The following PPM1D variants were observed in gnomAD, a reference collection of about 807,000 sequenced individuals.
PPM1D encodes the protein protein phosphatase 1D.
A neutral mutation model predicts 58.3 loss-of-function variants in PPM1D; 52 were observed. That is an observed-to-expected ratio of 0.89 (90% CI 0.71 to 1.12). PPM1D has a LOEUF of 1.12. Among genes scored for constraint, PPM1D ranks in the 50% most tolerant of loss-of-function variants. The probability of loss-of-function intolerance (pLI) is 0.00; values close to 1 mark genes in which losing one functional copy is unlikely to be tolerated. For missense variants in PPM1D, 564 were observed against 777.2 expected, an observed-to-expected ratio of 0.73 and a Z score of 3.26; for synonymous variants, 278 against 285.1, an observed-to-expected ratio of 0.98 and a Z score of 0.25.
At chr17:60,657,308 C>T (rs1016456677) in intron 5 of PPM1D, among the ~76,000 whole-genome samples, 1 of 152,106 alleles carries the variant, frequency 6.6e-6, no homozygotes, top group African/African-American at 2.4e-5. Flanking sequence ...GTATAAGAAA[C>T]TTTATTCCTA....
chr17:60,646,825 G>A (rs2031258382), intron 3 of PPM1D, among the ~76,000 whole-genome samples: 1 of 152,190 alleles, frequency 6.6e-6, no homozygotes, highest in Non-Finnish European at 1.5e-5. Context: ...AAATGTAAGA[G>A]CTTTCTTTTT....
At chr17:60,642,692 C>T (rs1374002650) in intron 3 of PPM1D, among the ~76,000 whole-genome samples, 1 of 152,064 alleles carries the variant, frequency 6.6e-6, no homozygotes. Context: ...CTCTTGACCT[C>T]GTGATCCACC....
At chr17:60,607,941 A>G (rs2030365075) in intron 1 of PPM1D, among the ~76,000 whole-genome samples, 1 of 152,262 alleles carries the variant, frequency 6.6e-6, no homozygotes, top group Non-Finnish European at 1.5e-5. Context: ...TTGGTTCTAG[A>G]TTTGGCATTA....
rs1400537045 is a variant in PPM1D at position 60,663,759 on chromosome 17, A to C, written c.*207A>C. The C allele has an allele frequency of 9.3e-6, 5 of 537,488 alleles. No individual in the cohort carries two copies. The African/African-American group carries it at 9.4e-5, about 10-fold the overall frequency. 33.3% of individuals were successfully genotyped at this position (537,488 alleles called of 1,614,324 possible). ...AGATGTTAGGGTATAAGTTGCTGTAAAATTTGTGTAAATTTGTATCCACAC... is the reference window on the plus strand; with the variant it reads ...AGATGTTAGGGTATAAGTTGCTGTACAATTTGTGTAAATTTGTATCCACAC... On this transcript the variant is annotated 3_prime_UTR_variant, in exon 6 of 6. Coordinates refer to ENST00000305921, the MANE Select transcript of PPM1D (RefSeq NM_003620.4).
chr17:60,613,899 C>T (rs1367892616), intron 1 of PPM1D, among the ~76,000 whole-genome samples: 1 of 141,580 alleles, frequency 7.1e-6, no homozygotes, highest in Non-Finnish European at 1.6e-5. Flanking sequence ...GGCCCCCCCC[C>T]CGCCACCCCC....
chr17:60,605,638 C>G (rs1462601650), intron 1 of PPM1D, among the ~76,000 whole-genome samples: 1 of 152,222 alleles, frequency 6.6e-6, no homozygotes, highest in Admixed American at 6.5e-5. Context: ...CGTGGTGGCT[C>G]ACGCCTGTAA....
rs571094619 is a variant in PPM1D at position 60,642,779 on chromosome 17, A to T, written c.827-5113A>T. Reference sequence around the variant, plus strand: ...GCCAGGAAACTCTTCTTTAAAAAAGATTTTCAGCCGGGCACGGTGGCTTAT... The same window carrying T: ...GCCAGGAAACTCTTCTTTAAAAAAGTTTTTCAGCCGGGCACGGTGGCTTAT... On this transcript the variant is annotated intron_variant, in intron 3 of 5. Coordinates refer to ENST00000305921, the MANE Select transcript of PPM1D (RefSeq NM_003620.4). 5.9e-5 allele frequency among the ~76,000 whole-genome samples: 9 copies of T among 152,140 alleles called. No homozygotes were observed. The South Asian group carries it at 1.9e-3, about 32-fold the overall frequency.
intron 3 of PPM1D, among the ~76,000 whole-genome samples, chr17:60,634,309 G>T (rs963447721): frequency 2.0e-5 from 3 of 152,102 alleles, no homozygotes; most frequent in Admixed American, 6.6e-5. Flanking sequence ...CTACTCAAGA[G>T]GCTGAGTCAG....
At chr17:60,645,646 GTATATATA>G (rs544614194) in intron 3 of PPM1D, among the ~76,000 whole-genome samples, 1 of 126,574 alleles carries the variant, frequency 7.9e-6, no homozygotes, top group African/African-American at 3.5e-5. Flanking sequence ...GTGTGTGTGT[GTATATATA>G]TATATACACA....
intron 3 of PPM1D, among the ~76,000 whole-genome samples, chr17:60,642,766 T>G (rs2031161135): frequency 6.6e-6 from 1 of 152,052 alleles, no homozygotes; most frequent in South Asian, 2.1e-4. Context: ...CAGGAAACTC[T>G]TCTTTAAAAA....
At chr17:60,649,766 G>A (rs1406819223) in intron 4 of PPM1D, among the ~76,000 whole-genome samples, 2 of 152,022 alleles carry the variant, frequency 1.3e-5, no homozygotes, top group African/African-American at 4.8e-5. Flanking sequence ...AAGGTAAATA[G>A]AATATGGTCC....
rs75357328 is a variant in PPM1D at position 60,612,091 on chromosome 17, G to A, written c.472+11205G>A. On this transcript the variant is annotated intron_variant, in intron 1 of 5. Coordinates refer to ENST00000305921, the MANE Select transcript of PPM1D (RefSeq NM_003620.4). The stretch of plus-strand genomic sequence containing the variant: ...AGGTATAATTGACATACAATAAATG[G>A]TACACATTTAAAGTATACTCTGATA... 8.0e-3 allele frequency among the ~76,000 whole-genome samples: 1,216 copies of A among 151,834 alleles called. 16 individuals carry two copies. Among genetic ancestry groups the A allele is most frequent in the African/African-American group, 0.027 (1,124 of 41,404 alleles).
chr17:60,623,022 A>G (rs1043651008), intron 1 of PPM1D, among the ~76,000 whole-genome samples: 4 of 152,204 alleles, frequency 2.6e-5, no homozygotes, highest in Admixed American at 6.5e-5. Flanking sequence ...ACTTGAACCC[A>G]GGAGGCAGAG....
At chr17:60,623,407 T>A in intron 1 of PPM1D, 114 bp from the exon 2 acceptor site, 1 of 1,005,658 alleles carries the variant, frequency 9.9e-7, no homozygotes. Flanking sequence ...TTAAATTGTT[T>A]CCTGTGCTAA....
intron 3 of PPM1D, among the ~76,000 whole-genome samples, chr17:60,645,795 T>G (rs1341902689): frequency 6.6e-6 from 1 of 151,250 alleles, no homozygotes; most frequent in East Asian, 1.9e-4. Context: ...TCACTGTATA[T>G]GTACCCTTTT....
chr17:60,634,042 A>C, intron 3 of PPM1D, 65 bp downstream of exon 3: 1 of 1,548,852 alleles, frequency 6.5e-7, no homozygotes, highest in Non-Finnish European at 8.8e-7. Flanking sequence ...GCAAAATAAA[A>C]GAGGAGACAG....
chr17:60,607,564 G>C (rs1199551801), intron 1 of PPM1D, among the ~76,000 whole-genome samples: 1 of 152,214 alleles, frequency 6.6e-6, no homozygotes, highest in African/African-American at 2.4e-5. Context: ...GGCTCCCAAA[G>C]TGTTGGGATT....
chr17:60,619,644 G>C (rs2030658674), intron 1 of PPM1D, among the ~76,000 whole-genome samples: 1 of 151,862 alleles, frequency 6.6e-6, no homozygotes, highest in African/African-American at 2.4e-5. Context: ...TTCTCGCTCT[G>C]TTGCTCAGGC....
At chr17:60,644,449 T>G (rs2031197692) in intron 3 of PPM1D, among the ~76,000 whole-genome samples, 1 of 152,118 alleles carries the variant, frequency 6.6e-6, no homozygotes, top group Non-Finnish European at 1.5e-5. Context: ...GAATGATCCT[T>G]GAATGGATCC....
Sources: gnomAD v4.1 joint callset for allele counts (sites outside exome capture counted in the v4.1 genomes callset) on GRCh38, gnomAD v4.1.1 for gene constraint, MANE v1.5 for transcripts, NCBI Gene and HGNC (gene_info 2026-07-23, HGNC 2026-07-21) for gene names.